Variants in RBM26 observed in about 807,000 individuals in gnomAD.
RBM26 encodes RNA-binding protein 26.
A neutral mutation model predicts 123.6 loss-of-function variants in RBM26; 30 were observed. The ratio of observed to expected loss-of-function variants is 0.24; its 90% CI spans 0.18 to 0.33. The LOEUF is 0.33. Among genes scored for constraint, RBM26 ranks in the 10% least tolerant of loss-of-function variants. The probability of loss-of-function intolerance (pLI) is 1.00; values close to 1 mark genes in which losing one functional copy is unlikely to be tolerated. For missense variants in RBM26, 947 were observed against 1,203.6 expected (o/e 0.79, Z 3.15); for synonymous variants, 400 against 404.4 (o/e 0.99, Z 0.13).
intron 1 of RBM26, among the ~76,000 whole-genome samples, chr13:79,388,797 G>A (rs570586409): frequency 1.3e-5 from 2 of 152,112 alleles, no homozygotes; most frequent in East Asian, 1.9e-4. Context: ...TTTTAAAAAG[G>A]TAAGATAAGC....
chr13:79,355,816 T>C (rs1418905450), intron 11 of RBM26, among the ~76,000 whole-genome samples: 1 of 151,392 alleles, frequency 6.6e-6, no homozygotes, highest in Non-Finnish European at 1.5e-5. Context: ...TGCCCAAATT[T>C]GTAATTCTCA....
chr13:79,385,783 G>A (rs1022452460), intron 1 of RBM26, among the ~76,000 whole-genome samples: 1 of 152,118 alleles, frequency 6.6e-6, no homozygotes, highest in Non-Finnish European at 1.5e-5. Flanking sequence ...GCCCATATGT[G>A]GGGCTGGCTT....
At chr13:79,398,316 A>C (rs889365434) in intron 1 of RBM26, among the ~76,000 whole-genome samples, 1 of 152,238 alleles carries the variant, frequency 6.6e-6, no homozygotes, top group African/African-American at 2.4e-5. Context: ...CTCATAATAC[A>C]GTCCCTATCT....
At chr13:79,312,650 C>G (rs2066925483) in exon 5 of RBM26, 1 of 152,004 alleles carries the variant, frequency 6.6e-6, no homozygotes, top group Non-Finnish European at 1.5e-5. Flanking sequence ...GCCAAATTAA[C>G]TGCCTTCCTC....
At chr13:79,332,967 T>A (rs989277495) in intron 20 of RBM26, among the ~76,000 whole-genome samples, 15 of 152,128 alleles carry the variant, frequency 9.9e-5, no homozygotes, top group Non-Finnish European at 7.4e-5. Flanking sequence ...ATCTGAACCA[T>A]TTGTACAGTA....
Position 79,370,935 on chromosome 13 carries a change from T to A in RBM26, c.634+10A>T. ...TTTTCATAAAAAGATAACCAAAATATATTATTTACCCCTGCTTCGTGTTCT... is the reference window on the plus strand; with the variant it reads ...TTTTCATAAAAAGATAACCAAAATAAATTATTTACCCCTGCTTCGTGTTCT... On this transcript the variant is annotated intron_variant, in intron 5 of 21. Coordinates refer to ENST00000438737, the MANE Select transcript of RBM26 (RefSeq NM_001366735.2). The A allele has an allele frequency of 6.3e-7, 1 of 1,588,518 alleles. No homozygotes were observed. Among genetic ancestry groups the A allele is most frequent in the Non-Finnish European group, 8.6e-7 (1 of 1,160,364 alleles).
At chr13:79,338,847 T>C (rs2070893588) in intron 18 of RBM26, among the ~76,000 whole-genome samples, 1 of 152,158 alleles carries the variant, frequency 6.6e-6, no homozygotes, top group Non-Finnish European at 1.5e-5. Context: ...AAGATACATT[T>C]AGGAGTAACA....
chr13:79,354,510 G>A lies in RBM26; in HGVS notation c.1915C>T (p.Arg639Trp), dbSNP rs754668948. The A allele has an allele frequency of 1.7e-5, 27 of 1,608,752 alleles. No individual in the cohort carries two copies. The highest frequency in any genetic ancestry group is 1.5e-4 in the Admixed American group (9 of 59,888). Residue 639 changes from arginine to tryptophan, a missense_variant, in exon 13 of 22, where the codon CGG becomes TGG. By Grantham distance (101) the Arg-to-Trp change is moderately radical. Around this residue, in one of 5 missense-constraint regions of RBM26, gnomAD observed 493 missense variants for 563.1 expected, o/e 0.88. Coordinates refer to ENST00000438737, the MANE Select transcript of RBM26 (RefSeq NM_001366735.2). ...GTACTTGAAGGTACTGGACCCAGCC[G>A]CTCTTTGACTGACTGCTTCACAACA... is the stretch of plus-strand genomic sequence containing the variant. ...LPVVKQSVKE[R>W]LGPVPSSTIE...
At chr13:79,329,888 C>T (rs184549479) in intron 20 of RBM26, among the ~76,000 whole-genome samples, 21 of 152,108 alleles carry the variant, frequency 1.4e-4, no homozygotes, top group African/African-American at 2.2e-4. Flanking sequence ...AGCCAACCTA[C>T]GTTAAAACCT....
chr13:79,353,141 T>A lies in RBM26; in HGVS notation c.2058+12A>T. On this transcript the variant is annotated intron_variant, in intron 14 of 21. Transcript: ENST00000438737. ...TGAAGCCAAGACAAACACATCATGCTATTCTTCTTACCTTTTCAGTTGCTG... is the reference window on the plus strand; with the variant it reads ...TGAAGCCAAGACAAACACATCATGCAATTCTTCTTACCTTTTCAGTTGCTG... The A allele has an allele frequency of 6.5e-7, 1 of 1,545,272 alleles. No individual in the cohort carries two copies. Among genetic ancestry groups the A allele is most frequent in the African/African-American group, 1.4e-5 (1 of 73,554 alleles).
chr13:79,392,047 CATT>C (rs10539555), intron 1 of RBM26, among the ~76,000 whole-genome samples: 62,033 of 120,834 alleles, frequency 0.51, 19,026 homozygotes, highest in East Asian at 0.75. Flanking sequence ...TTATACAATA[CATT>C]ATTATATAAT....
At position 79,371,087 on chromosome 13, in the gene RBM26, T is replaced by C. The variant is rs1164861747; in HGVS notation, c.492A>G (p.Ser164=). The C allele has an allele frequency of 4.3e-6, 7 of 1,614,070 alleles. No individual in the cohort carries two copies. Among genetic ancestry groups the C allele is most frequent in the East Asian group, 4.5e-5 (2 of 44,902 alleles). The change falls in exon 5 of 22, where the codon TCA becomes TCG. Residue 164 remains serine, a synonymous_variant. Transcript: ENST00000438737. The part of the protein sequence containing the change: ...DYDRNPPRRD[S]YRDRYNRRRG... The stretch of plus-strand genomic sequence containing the variant: ...GTCTTCTATTGTACCGGTCTCTGTA[T>C]GAATCTCTTCGAGGAGGGTTTCGAT...
At chr13:79,388,101 T>C (rs933345688) in intron 1 of RBM26, among the ~76,000 whole-genome samples, 3 of 152,216 alleles carry the variant, frequency 2.0e-5, no homozygotes, top group Non-Finnish European at 4.4e-5. Flanking sequence ...TCTTCCTTTG[T>C]CTTCAAAACG....
chr13:79,367,903 T>A (rs1168810891), intron 6 of RBM26, among the ~76,000 whole-genome samples: 1 of 152,228 alleles, frequency 6.6e-6, no homozygotes, highest in African/African-American at 2.4e-5. Context: ...TGTCATATTT[T>A]TGTCTTTAGA....
chr13:79,320,040 G>T lies in RBM26; in HGVS notation c.*581C>A. On this transcript the variant is annotated 3_prime_UTR_variant, in exon 22 of 22. Coordinates refer to ENST00000438737, the MANE Select transcript of RBM26 (RefSeq NM_001366735.2). ...CCATTCCACTTTATTATAACATCTG[G>T]ATGCATAAGGACTCATGTAAAGCAG... 1.1e-6 allele frequency: 1 copy of T among 951,362 alleles called. No individual in the cohort carries two copies. Among genetic ancestry groups the T allele is most frequent in the Non-Finnish European group, 1.2e-6 (1 of 817,890 alleles). 58.9% of individuals were successfully genotyped at this position (951,362 alleles called of 1,614,324 possible). A position where few individuals can be genotyped will look rare whatever the true frequency, so the allele number is the denominator to read the frequency against.
intron 1 of RBM26, among the ~76,000 whole-genome samples, chr13:79,394,166 G>A (rs1384326836): frequency 6.6e-6 from 1 of 152,120 alleles, no homozygotes; most frequent in Non-Finnish European, 1.5e-5. Context: ...CACATTGTGG[G>A]GACAAACACT....
intron 2 of RBM26, among the ~76,000 whole-genome samples, chr13:79,377,733 C>A (rs1007593365): frequency 6.6e-6 from 1 of 152,058 alleles, no homozygotes; most frequent in Non-Finnish European, 1.5e-5. Flanking sequence ...TCAAAACCAG[C>A]CTCGCCAGCC....
chr13:79,398,448 C>T (rs1255025842), intron 1 of RBM26, among the ~76,000 whole-genome samples: 1 of 151,966 alleles, frequency 6.6e-6, no homozygotes, highest in Non-Finnish European at 1.5e-5. Context: ...GATGGAAAGG[C>T]CAAATAAGAT....
intron 1 of RBM26, among the ~76,000 whole-genome samples, chr13:79,385,770 G>A (rs1273753079): frequency 6.6e-6 from 1 of 152,076 alleles, no homozygotes; most frequent in Non-Finnish European, 1.5e-5. Flanking sequence ...AAACAAACAG[G>A]AAGCCCATAT....
Sources: gnomAD v4.1 joint callset for allele counts (sites outside exome capture counted in the v4.1 genomes callset) on GRCh38, gnomAD v4.1.1 for gene constraint, gnomAD v4.1.1 regional missense constraint, MANE v1.5 for transcripts, NCBI Gene and HGNC (gene_info 2026-07-23, HGNC 2026-07-21) for gene names.